The following CALHM4 variants were observed in gnomAD, a reference collection of about 807,000 sequenced individuals.
CALHM4 encodes the protein calcium homeostasis modulator family member 4, also known as calcium homeostasis modulator protein 4.
CALHM4 carries 16 observed loss-of-function variants against 13.3 expected under a neutral mutation model. The observed-to-expected ratio is 1.20, with a 90% CI of 0.81 to 1.82. The LOEUF is 1.82. Among genes scored for constraint, CALHM4 ranks in the 40% most tolerant of loss-of-function variants. CALHM4 has a pLI of 0.00. For synonymous variants in CALHM4, 127 were observed against 137.1 expected, an observed-to-expected ratio of 0.93 and a Z score of 0.52; for missense variants, 344 against 374.9, an observed-to-expected ratio of 0.92 and a Z score of 0.68.
In CALHM4 at chr6:116,558,172, T is replaced by C. The variant is rs1427041684; in HGVS notation, c.906T>C (p.Asn302=). ...SFLGNRVDED[N]EEDRSRGIEL... ...TTGGAAATAGGGTGGATGAGGATAATGAGGAAGACAGATCAAGAGGTATTG... is the reference window on the plus strand; with the variant it reads ...TTGGAAATAGGGTGGATGAGGATAACGAGGAAGACAGATCAAGAGGTATTG... The change falls in exon 2 of 2, where the codon AAT becomes AAC. Residue 302 remains asparagine (N), a synonymous_variant. Transcript: ENST00000368596. 2 of 1,613,806 alleles carry C rather than the reference T, an allele frequency of 1.2e-6. No individual in the cohort carries two copies. Among genetic ancestry groups the C allele is most frequent in the East Asian group, 2.2e-5 (1 of 44,900 alleles).
At chr6:116,543,418 G>A (rs1773583424) in intron 1 of CALHM4, 2 of 1,536,314 alleles carry the variant, frequency 1.3e-6, no homozygotes, top group Non-Finnish European at 1.8e-6. Context: ...AAAAGGGGTA[G>A]TTTCTGGTTA....
intron 1 of CALHM4, among the ~76,000 whole-genome samples, chr6:116,529,356 G>A (rs925739364): frequency 2.6e-5 from 4 of 151,988 alleles, no homozygotes; most frequent in African/African-American, 4.8e-5. Context: ...AGACAGTGGC[G>A]AGATATTAAA....
intron 1 of CALHM4, among the ~76,000 whole-genome samples, chr6:116,537,221 T>C (rs1307269977): frequency 6.6e-6 from 1 of 152,202 alleles, no homozygotes; most frequent in Non-Finnish European, 1.5e-5. Flanking sequence ...AGTGGATCTT[T>C]TTCCTGTTCA....
rs1774451479 is a variant in CALHM4 at position 116,558,614 on chromosome 6, T to G, written c.*403T>G. 1 of 156,522 alleles carries G rather than the reference T, an allele frequency of 6.4e-6. No individual in the cohort carries two copies. The highest frequency in any genetic ancestry group is 1.4e-5 in the Non-Finnish European group (1 of 70,994). 9.7% of individuals were successfully genotyped at this position (156,522 alleles called of 1,614,324 possible). A position where few individuals can be genotyped will look rare whatever the true frequency, so the allele number is the denominator to read the frequency against. On this transcript the variant is annotated 3_prime_UTR_variant, in exon 2 of 2. Coordinates refer to ENST00000368596, the MANE Select transcript of CALHM4 (RefSeq NM_001366078.2). ...TGTCTTTCATAAAAATAGATGCTAATGAATGTTACTTTCTCTCTTTCTCTT... is the reference window on the plus strand; with the variant it reads ...TGTCTTTCATAAAAATAGATGCTAAGGAATGTTACTTTCTCTCTTTCTCTT...
chr6:116,540,479 G>C, intron 1 of CALHM4: 1 of 1,548,318 alleles, frequency 6.5e-7, no homozygotes, highest in South Asian at 1.2e-5. Flanking sequence ...ATGACGGAAA[G>C]AGTGTGGTCT....
chr6:116,537,934 C>T (rs567202564), intron 1 of CALHM4, among the ~76,000 whole-genome samples: 92 of 152,270 alleles, frequency 6.0e-4, no homozygotes, highest in African/African-American at 2.2e-3. Flanking sequence ...CTGTAATTTT[C>T]CTGTGGCTAA....
At chr6:116,555,234 GCT>G (rs1774258309) in intron 1 of CALHM4, among the ~76,000 whole-genome samples, 1 of 152,122 alleles carries the variant, frequency 6.6e-6, no homozygotes, top group South Asian at 2.1e-4. Flanking sequence ...CATTAGATAT[GCT>G]CTGTCTTAAC....
Position 116,558,277 on chromosome 6 carries a change from G to C in CALHM4, c.*66G>C. On this transcript the variant is annotated 3_prime_UTR_variant, in exon 2 of 2. Transcript: ENST00000368596. ...TGGCTTTTATGGCTTTTATGATCAGGCCATTTCAATGTAATCTCTTCATCT... is the reference window on the plus strand; with the variant it reads ...TGGCTTTTATGGCTTTTATGATCAGCCCATTTCAATGTAATCTCTTCATCT... 5 of 1,473,042 alleles carry C rather than the reference G, an allele frequency of 3.4e-6. No homozygotes were observed. The highest frequency in any genetic ancestry group is 3.6e-6 in the Non-Finnish European group (4 of 1,102,346). 91.2% of individuals were successfully genotyped at this position (1,473,042 alleles called of 1,614,324 possible). A position where few individuals can be genotyped will look rare whatever the true frequency, so the allele number is the denominator to read the frequency against.
At chr6:116,542,539 C>T (rs1420013842) in intron 1 of CALHM4, among the ~76,000 whole-genome samples, 1 of 152,068 alleles carries the variant, frequency 6.6e-6, no homozygotes, top group Non-Finnish European at 1.5e-5. Context: ...AGTCTTTCCT[C>T]TGTTAGAGTC....
At position 116,553,864 on chromosome 6, in the gene CALHM4, C is replaced by A; in HGVS notation, c.71C>A (p.Ala24Glu). ...RNGIFINSLI[A>E]ALTIGGQQLF... is the part of the protein sequence containing the mutation. ...GGAATATTTATCAATTCTTTAATTG[C>A]AGCCTTGACTATTGGTGGGCAACAA... Residue 24 changes from alanine (A) to glutamate (E), a missense_variant, in exon 1 of 2, where the codon GCA becomes GAA. Transcript: ENST00000368596. 3 of 1,550,640 alleles carry A rather than the reference C, an allele frequency of 1.9e-6. No individual in the cohort carries two copies. The highest frequency in any genetic ancestry group is 1.4e-5 in the African/African-American group (1 of 73,182).
intron 1 of CALHM4, among the ~76,000 whole-genome samples, chr6:116,555,148 T>C (rs1322844994): frequency 2.0e-5 from 3 of 152,188 alleles, no homozygotes; most frequent in Non-Finnish European, 4.4e-5. Flanking sequence ...AGTTATTTCG[T>C]TGGGAAAAGC....
At chr6:116,548,042 A>G (rs912464582) in intron 2 of CALHM4, among the ~76,000 whole-genome samples, 2 of 152,182 alleles carry the variant, frequency 1.3e-5, no homozygotes, top group African/African-American at 2.4e-5. Context: ...AGAGAAGGCA[A>G]AGGTCTGAAT....
chr6:116,541,907 C>T (rs537226305), intron 1 of CALHM4, among the ~76,000 whole-genome samples: 1 of 152,232 alleles, frequency 6.6e-6, no homozygotes, highest in South Asian at 2.1e-4. Context: ...TCAGCAGAAG[C>T]TATTAAGGAA....
At chr6:116,550,025 T>TACATATATAC (rs1774001906), upstream of CALHM4, among the ~76,000 whole-genome samples, 4 of 96,340 alleles carry the variant, frequency 4.2e-5, no homozygotes, top group African/African-American at 1.6e-4. Flanking sequence ...TATATATATA[T>TACATATATAC]ACACACACAC....
intron 1 of CALHM4, among the ~76,000 whole-genome samples, chr6:116,536,331 G>A (rs1773090929): frequency 1.3e-5 from 2 of 152,058 alleles, no homozygotes; most frequent in Non-Finnish European, 2.9e-5. Flanking sequence ...ACTAGATGGC[G>A]CAACTTAAGT....
In CALHM4 at chr6:116,554,102, G is replaced by C. The variant is rs1475796836; in HGVS notation, c.309G>C (p.Arg103Ser). The change falls in exon 1 of 2, where the codon AGG (arginine) becomes AGC (serine). Residue 103 changes from arginine to serine, a missense_variant. Arg to Ser is a moderately radical substitution (Grantham distance 110). Coordinates refer to ENST00000368596, the MANE Select transcript of CALHM4 (RefSeq NM_001366078.2). ...SPLECKLACL[R>S]FFSITGRAVI... ...TAGAGTGCAAGCTGGCTTGCCTTAG[G>C]TTCTTCAGCATCACTGGGAGGGCAG... 1.3e-6 allele frequency: 2 copies of C among 1,550,628 alleles called. No homozygotes were observed. Among genetic ancestry groups the C allele is most frequent in the Non-Finnish European group, 1.7e-6 (2 of 1,147,012 alleles).
chr6:116,553,649 G>A (rs1332856744), upstream of CALHM4: 1 of 746,548 alleles, frequency 1.3e-6, no homozygotes, highest in African/African-American at 1.8e-5. Context: ...CACAAGGAAA[G>A]ATGCTAGAAT....
upstream of CALHM4, among the ~76,000 whole-genome samples, chr6:116,551,908 A>G (rs898363421): frequency 2.6e-5 from 4 of 152,188 alleles, no homozygotes; most frequent in Non-Finnish European, 5.9e-5. Context: ...ATTTTAGTAG[A>G]TATGTAGTGA....
rs1774500808 is a variant in CALHM4, at chr6:116,559,700, A to G, written c.*1489A>G. Among the ~76,000 whole-genome samples, 2 of 152,156 alleles carry G rather than the reference A, an allele frequency of 1.3e-5. No individual in the cohort carries two copies. The highest frequency in any genetic ancestry group is 4.8e-5 in the African/African-American group (2 of 41,438). On this transcript the variant is annotated 3_prime_UTR_variant, in exon 2 of 2. Transcript: ENST00000368596. Reference sequence around the variant, plus strand: ...TCTATACAATAAAAGGGATGATAATATTTTACCTCTTGGAAGAAAATAACT... The same window carrying G: ...TCTATACAATAAAAGGGATGATAATGTTTTACCTCTTGGAAGAAAATAACT...
Sources: allele counts gnomAD v4.1 joint callset (sites outside exome capture counted in the v4.1 genomes callset), GRCh38; gene constraint gnomAD v4.1.1; transcripts MANE v1.5; gene names NCBI Gene and HGNC (gene_info 2026-07-23, HGNC 2026-07-21).